The following NFIA variants were observed in gnomAD, a reference collection of about 807,000 sequenced individuals.
NFIA encodes nuclear factor I A.
A neutral mutation model predicts 62.8 loss-of-function variants in NFIA; 8 were observed. That is an observed-to-expected ratio of 0.13 (90% CI 0.07 to 0.23). The LOEUF is 0.23. Among genes scored for constraint, NFIA ranks in the 10% least tolerant of loss-of-function variants. The pLI is 1.00. For synonymous variants in NFIA, 235 were observed against 238.1 expected, an observed-to-expected ratio of 0.99 and a Z score of 0.12; for missense variants, 410 against 642.1, an observed-to-expected ratio of 0.64 and a Z score of 3.91.
chr1:61,274,772 C>A (rs1415722559), intron 2 of NFIA, among the ~76,000 whole-genome samples: 3 of 152,144 alleles, frequency 2.0e-5, no homozygotes, highest in Non-Finnish European at 2.9e-5. Flanking sequence ...ATCAATTATA[C>A]CTGGGTAGAA....
chr1:61,144,534 C>T (rs1647788649), intron 2 of NFIA, among the ~76,000 whole-genome samples: 1 of 152,150 alleles, frequency 6.6e-6, no homozygotes, highest in South Asian at 2.1e-4. Context: ...GATGTGGGCC[C>T]TGGAGTTACA....
At chr1:61,446,432 A>G (rs1324173576) in intron 10 of NFIA, among the ~76,000 whole-genome samples, 3 of 152,056 alleles carry the variant, frequency 2.0e-5, no homozygotes, top group Non-Finnish European at 2.9e-5. Context: ...CTGCACAGGG[A>G]TTAAACACAG....
chr1:61,358,379 C>CTTTTT (rs34853369), intron 5 of NFIA, among the ~76,000 whole-genome samples: 1,547 of 52,682 alleles, frequency 0.029, 57 homozygotes, highest in Admixed American at 0.044. Flanking sequence ...TTCTTTCTTT[C>CTTTTT]TTTTTTTTTT....
intron 2 of NFIA, among the ~76,000 whole-genome samples, chr1:61,110,913 A>C (rs773200362): frequency 2.8e-4 from 43 of 152,138 alleles, no homozygotes; most frequent in Non-Finnish European, 5.6e-4. Context: ...TGCTTAAGAA[A>C]TGTAAGAGTG....
intron 2 of NFIA, among the ~76,000 whole-genome samples, chr1:61,267,818 T>A (rs1657266704): frequency 6.6e-6 from 1 of 152,188 alleles, no homozygotes; most frequent in African/African-American, 2.4e-5. Context: ...TGTCACAGAA[T>A]CTTTATCCTG....
At chr1:61,360,633 C>T (rs908446941) in intron 6 of NFIA, among the ~76,000 whole-genome samples, 4 of 152,256 alleles carry the variant, frequency 2.6e-5, no homozygotes, top group African/African-American at 9.6e-5. Flanking sequence ...CTTGTCTCCT[C>T]CCTTAATTTT....
chr1:61,100,801 C>T (rs1291645546), intron 2 of NFIA, among the ~76,000 whole-genome samples: 1 of 152,032 alleles, frequency 6.6e-6, no homozygotes, highest in Non-Finnish European at 1.5e-5. Flanking sequence ...CACTACATTG[C>T]CCAGGCTGGT....
chr1:61,228,675 G>T (rs1297556721), intron 2 of NFIA, among the ~76,000 whole-genome samples: 3 of 150,460 alleles, frequency 2.0e-5, no homozygotes, highest in African/African-American at 7.4e-5. Context: ...GAAATACTGG[G>T]CTTTCTGTAT....
intron 10 of NFIA, among the ~76,000 whole-genome samples, chr1:61,438,750 G>C (rs1315584712): frequency 6.7e-6 from 1 of 150,310 alleles, no homozygotes; most frequent in East Asian, 1.9e-4. Flanking sequence ...GAGAGGGAAG[G>C]AAAAAAAAAT....
intron 3 of NFIA, 94 bp from the exon 4 acceptor site, chr1:61,332,418 A>C (rs1661345637): frequency 1.7e-6 from 2 of 1,159,364 alleles, no homozygotes; most frequent in African/African-American, 3.0e-5. Flanking sequence ...TAGGCACCAC[A>C]TGTGTTAATC....
At chr1:61,163,170 T>G (rs991165103) in intron 2 of NFIA, among the ~76,000 whole-genome samples, 1 of 152,170 alleles carries the variant, frequency 6.6e-6, no homozygotes, top group African/African-American at 2.4e-5. Flanking sequence ...GATCAAATAC[T>G]TGACATAATA....
intron 2 of NFIA, among the ~76,000 whole-genome samples, chr1:61,192,972 T>C (rs1651747332): frequency 6.6e-6 from 1 of 152,224 alleles, no homozygotes; most frequent in African/African-American, 2.4e-5. Flanking sequence ...AGCTTAGATT[T>C]TAAAATTTAA....
At chr1:61,302,675 G>A (rs1170345315) in intron 3 of NFIA, among the ~76,000 whole-genome samples, 1 of 152,086 alleles carries the variant, frequency 6.6e-6, no homozygotes, top group Non-Finnish European at 1.5e-5. Context: ...ATTAGTTTTA[G>A]GGCAGGAAAA....
rs1391889604 is a variant in NFIA at position 61,458,895 on chromosome 1, T to A, written c.*3575T>A. ...CTCTGAACAGATTTGCAGGAAAAAATGTTTTAAAGGCTTTAAAACATTAGG... is the reference window on the plus strand; with the variant it reads ...CTCTGAACAGATTTGCAGGAAAAAAAGTTTTAAAGGCTTTAAAACATTAGG... On this transcript the variant is annotated 3_prime_UTR_variant, in exon 11 of 11. Transcript: ENST00000403491. The A allele has an allele frequency of 6.6e-6, 1 of 152,130 alleles. No homozygotes were observed. Among genetic ancestry groups the A allele is most frequent in the Non-Finnish European group, 1.5e-5 (1 of 68,020 alleles). The allele number at this position is 152,130 out of a possible 1,614,324, so 9.4% of individuals were successfully genotyped here.
intron 2 of NFIA, among the ~76,000 whole-genome samples, chr1:61,100,185 A>G (rs1646483900): frequency 6.6e-6 from 1 of 152,192 alleles, no homozygotes; most frequent in South Asian, 2.1e-4. Flanking sequence ...TTAAGGCCCA[A>G]ACCTTCTTTT....
chr1:61,081,668 C>G, upstream of NFIA: 1 of 504,406 alleles, frequency 2.0e-6, no homozygotes, highest in South Asian at 2.1e-5. Flanking sequence ...GGAGGGATAA[C>G]GCTCATTAAT....
At chr1:61,302,831 A>G (rs1249181962) in intron 3 of NFIA, among the ~76,000 whole-genome samples, 1 of 152,214 alleles carries the variant, frequency 6.6e-6, no homozygotes, top group African/African-American at 2.4e-5. Flanking sequence ...TTGTATGTTT[A>G]TAATTCCTTT....
intron 3 of NFIA, among the ~76,000 whole-genome samples, chr1:61,299,964 A>G (rs1028584498): frequency 6.6e-6 from 1 of 152,114 alleles, no homozygotes; most frequent in Non-Finnish European, 1.5e-5. Context: ...AGAGTTTTCA[A>G]ATATCTGAGG....
intron 2 of NFIA, among the ~76,000 whole-genome samples, chr1:61,091,187 CT>C (rs982324755): frequency 4.6e-5 from 7 of 152,138 alleles, no homozygotes; most frequent in East Asian, 1.9e-4. Context: ...TCCAGAATGC[CT>C]TTTTTTCCCC....
Sources: gnomAD v4.1 joint callset for allele counts (sites outside exome capture counted in the v4.1 genomes callset) on GRCh38, gnomAD v4.1.1 for gene constraint, MANE v1.5 for transcripts, NCBI Gene and HGNC (gene_info 2026-07-23, HGNC 2026-07-21) for gene names.